The following NPAS3 variants were observed in gnomAD, a reference collection of about 807,000 sequenced individuals.
NPAS3 encodes the protein neuronal PAS domain-containing protein 3.
A neutral mutation model predicts 73.1 loss-of-function variants in NPAS3; 14 were observed. That is an observed-to-expected ratio of 0.19 (90% confidence interval 0.13 to 0.30). The LOEUF (loss-of-function observed/expected upper bound fraction) is 0.30, where lower values mean the gene tolerates loss of function less well. Ranked by LOEUF, NPAS3 falls within the 10% of genes least tolerant of loss-of-function variation. The pLI, the probability that NPAS3 is intolerant of heterozygous loss-of-function variation, is 1.00. For missense variants in NPAS3, 1,096 were observed against 1,250.0 expected, an observed-to-expected ratio of 0.88 and a Z score of 1.86; for synonymous variants, 620 against 541.5, an observed-to-expected ratio of 1.14 and a Z score of -2.01.
chr14:33,273,476 T>C (rs1322544942), intron 3 of NPAS3, among the ~76,000 whole-genome samples: 1 of 152,178 alleles, frequency 6.6e-6, no homozygotes, highest in Non-Finnish European at 1.5e-5. Flanking sequence ...TATCTATAAA[T>C]TGGAAGCTAT....
intron 5 of NPAS3, among the ~76,000 whole-genome samples, chr14:33,599,589 A>G (rs1450320312): frequency 6.6e-6 from 1 of 152,226 alleles, no homozygotes; most frequent in Non-Finnish European, 1.5e-5. Flanking sequence ...TCTAAACTGC[A>G]TAATTCCCTT....
intron 2 of NPAS3, among the ~76,000 whole-genome samples, chr14:33,145,952 G>A (rs2139206190): frequency 6.6e-6 from 1 of 152,240 alleles, no homozygotes; most frequent in East Asian, 1.9e-4. Context: ...ATGAAAGAGT[G>A]TGCCTGTGAA....
intron 4 of NPAS3, among the ~76,000 whole-genome samples, chr14:33,440,618 C>T (rs368495094): frequency 5.3e-5 from 8 of 152,150 alleles, no homozygotes; most frequent in Non-Finnish European, 5.9e-5. Context: ...CTTGGCCAGG[C>T]GTGGTGGCTC....
chr14:33,003,046 T>C (rs956783060), intron 1 of NPAS3, among the ~76,000 whole-genome samples: 2 of 152,036 alleles, frequency 1.3e-5, no homozygotes, highest in Non-Finnish European at 2.9e-5. Flanking sequence ...ATACAAATGA[T>C]GATTTCATTC....
intron 10 of NPAS3, 90 bp downstream of exon 10, chr14:33,794,134 AT>A: frequency 8.5e-7 from 1 of 1,177,720 alleles, no homozygotes; most frequent in South Asian, 1.4e-5. Context: ...CATGTTGTGA[AT>A]ATTATCTTTT....
chr14:33,604,626 A>G (rs1001326855), intron 5 of NPAS3, among the ~76,000 whole-genome samples: 6 of 152,094 alleles, frequency 3.9e-5, no homozygotes, highest in African/African-American at 1.4e-4. Context: ...CAAAAACAAA[A>G]AATCTCCACC....
chr14:33,224,297 G>A (rs1160803801), intron 3 of NPAS3, among the ~76,000 whole-genome samples: 1 of 152,116 alleles, frequency 6.6e-6, no homozygotes, highest in Non-Finnish European at 1.5e-5. Flanking sequence ...TAGCAAAGAA[G>A]GACTCACCTC....
At chr14:33,501,102 A>G (rs1471722147) in intron 4 of NPAS3, among the ~76,000 whole-genome samples, 2 of 152,048 alleles carry the variant, frequency 1.3e-5, no homozygotes, top group Non-Finnish European at 2.9e-5. Context: ...TCATATCAAT[A>G]TATTTCCTTG....
chr14:33,199,081 G>T lies in NPAS3; in HGVS notation c.141-16101G>T, dbSNP rs78893628. ...GCCCACCTGGAACTTGCGCTGGCCT[G>T]CGAGCTCCGTGTGCAGCCCTGGTTC... On this transcript the variant is annotated intron_variant, in intron 2 of 11. Coordinates refer to ENST00000356141, the Ensembl canonical transcript of NPAS3. 9.2e-4 allele frequency among the ~76,000 whole-genome samples: 140 copies of T among 152,280 alleles called. No homozygotes were observed. In the East Asian group the frequency reaches 0.025, roughly 27 times the overall value.
At chr14:33,136,497 C>T (rs1471328905) in intron 2 of NPAS3, among the ~76,000 whole-genome samples, 1 of 152,168 alleles carries the variant, frequency 6.6e-6, no homozygotes, top group African/African-American at 2.4e-5. Context: ...TTTAGGACTG[C>T]AGTAATAATG....
chr14:33,418,541 T>C (rs1172741193), intron 4 of NPAS3, among the ~76,000 whole-genome samples: 2 of 152,024 alleles, frequency 1.3e-5, no homozygotes, highest in African/African-American at 4.8e-5. Context: ...TTGGACTCTT[T>C]GCTTCCCCTC....
Position 33,415,108 on chromosome 14 carries a change from G to A in NPAS3, c.468+47840G>A, listed in dbSNP as rs80090356. ...TGCCCTTATGTTGTTTTAACTGAAG[G>A]TGAGCAACCTCCATGCAGAGCCCCA... On this transcript the variant is annotated intron_variant, in intron 4 of 11. Coordinates refer to ENST00000356141, the Ensembl canonical transcript of NPAS3. Among the ~76,000 whole-genome samples the A allele has an allele frequency of 2.6e-4, 40 of 152,172 alleles. No individual in the cohort carries two copies. In the East Asian group the frequency reaches 3.9e-3, roughly 15 times the overall value.
chr14:33,376,461 A>G (rs1236671562), intron 4 of NPAS3, among the ~76,000 whole-genome samples: 1 of 152,212 alleles, frequency 6.6e-6, no homozygotes, highest in Non-Finnish European at 1.5e-5. Context: ...GAGGTGAGCC[A>G]GAACAAGTAC....
At position 33,774,323 on chromosome 14, in the gene NPAS3, ATGT is replaced by A. The variant is rs764012682; in HGVS notation, c.853-9_853-7del. On this transcript the variant is annotated splice_polypyrimidine_tract_variant and intron_variant, in intron 7 of 11. Coordinates refer to ENST00000356141, the Ensembl canonical transcript of NPAS3. ...AAATTTGACTGGTGTCCTGTACTTA[ATGT>A]TGTTTTACAGGTGATTCACATAACA... 6.8e-6 allele frequency: 11 copies of A among 1,609,672 alleles called. No individual in the cohort carries two copies. Among genetic ancestry groups the A allele is most frequent in the Non-Finnish European group, 9.3e-6 (11 of 1,176,500 alleles).
chr14:33,351,265 G>A lies in NPAS3; in HGVS notation c.386-15921G>A, dbSNP rs368918046. ...AGTCAATAATCAAATACCCGCAGCC[G>A]TGCAGCACCACACCTGCTGCCCAGA... On this transcript the variant is annotated intron_variant, in intron 3 of 11. Transcript: ENST00000356141. Among the ~76,000 whole-genome samples, 15 of 152,270 alleles carry A rather than the reference G, an allele frequency of 9.9e-5. 1 individual carries two copies. In the East Asian group the frequency reaches 1.4e-3, roughly 14 times the overall value.
rs1388874934 is a variant in NPAS3, at chr14:33,159,523, A to AT, written c.141-55658dup. 2.7e-5 allele frequency among the ~76,000 whole-genome samples: 4 copies of AT among 150,846 alleles called. No individual in the cohort carries two copies. The South Asian group carries it at 8.4e-4, about 31-fold the overall frequency. ...CCACATGTGTAAATTTGTGTGCAGA[A>AT]TAGCTAATTATAGTATTAATTATAA... On this transcript the variant is annotated intron_variant, in intron 2 of 11. Transcript: ENST00000356141.
intron 2 of NPAS3, among the ~76,000 whole-genome samples, chr14:33,179,694 A>G (rs961794707): frequency 1.3e-5 from 2 of 152,200 alleles, no homozygotes; most frequent in Admixed American, 6.6e-5. Context: ...CAACTAAAGA[A>G]TACCATACGA....
chr14:33,026,957 A>G (rs1027811849), intron 1 of NPAS3, among the ~76,000 whole-genome samples: 1 of 152,188 alleles, frequency 6.6e-6, no homozygotes, highest in Middle Eastern at 3.4e-3. Context: ...AATCCTCTGT[A>G]GCTAAATTCC....
intron 4 of NPAS3, among the ~76,000 whole-genome samples, chr14:33,391,719 A>C (rs931511611): frequency 2.6e-5 from 4 of 152,220 alleles, no homozygotes; most frequent in African/African-American, 9.6e-5. Flanking sequence ...GAAAACGCAC[A>C]AAGTGAGGCC....
Sources: allele counts gnomAD v4.1 joint callset (sites outside exome capture counted in the v4.1 genomes callset), GRCh38; gene constraint gnomAD v4.1.1; transcripts MANE v1.5; gene names NCBI Gene and HGNC (gene_info 2026-07-23, HGNC 2026-07-21).